The following SLC35F1 variants were observed in gnomAD, a reference collection of about 807,000 sequenced individuals.
SLC35F1 encodes solute carrier family 35 member F1.
Under a neutral mutation model 48.7 loss-of-function variants are expected in SLC35F1, and 14 were observed. That is an observed-to-expected ratio of 0.29 (90% CI 0.19 to 0.45). The LOEUF (loss-of-function observed/expected upper bound fraction) is 0.45, where lower values mean the gene tolerates loss of function less well. SLC35F1 is among the 20% of genes least tolerant of loss of function. The pLI is 1.00. For missense variants in SLC35F1, 404 were observed against 500.0 expected (o/e 0.81, Z 1.83); for synonymous variants, 190 against 202.2 (o/e 0.94, Z 0.51).
intron 1 of SLC35F1, among the ~76,000 whole-genome samples, chr6:118,008,243 C>A (rs989655799): frequency 4.0e-5 from 6 of 148,636 alleles, no homozygotes; most frequent in African/African-American, 1.5e-4. Flanking sequence ...CTGTTATATA[C>A]CAATAAAATA....
intron 4 of SLC35F1, among the ~76,000 whole-genome samples, chr6:118,274,244 A>G (rs1562347346): frequency 6.6e-6 from 1 of 152,126 alleles, no homozygotes; most frequent in African/African-American, 2.4e-5. Context: ...TTGGGTACAG[A>G]GCCCACCAGT....
At chr6:118,241,685 A>G (rs1006562337) in intron 3 of SLC35F1, among the ~76,000 whole-genome samples, 57 of 152,094 alleles carry the variant, frequency 3.7e-4, no homozygotes, top group Non-Finnish European at 1.0e-4. Flanking sequence ...GAATTATCCC[A>G]TCACCACAAA....
chr6:118,204,354 A>G (rs937631244), intron 2 of SLC35F1, among the ~76,000 whole-genome samples: 3 of 152,230 alleles, frequency 2.0e-5, no homozygotes, highest in Non-Finnish European at 4.4e-5. Context: ...AGCCAAGGCA[A>G]GGATTACAGG....
intron 1 of SLC35F1, among the ~76,000 whole-genome samples, chr6:118,112,023 A>G (rs1446906221): frequency 6.6e-6 from 1 of 152,200 alleles, no homozygotes; most frequent in Non-Finnish European, 1.5e-5. Flanking sequence ...GGGAGTGTCC[A>G]GATACCCCAA....
intron 1 of SLC35F1, among the ~76,000 whole-genome samples, chr6:117,966,070 T>TA (rs1007541635): frequency 2.0e-4 from 29 of 148,036 alleles, no homozygotes; most frequent in Non-Finnish European, 2.2e-4. Flanking sequence ...CAGCTCTCTG[T>TA]AAAATGGACC....
chr6:117,990,652 A>G (rs1776905821), intron 1 of SLC35F1, among the ~76,000 whole-genome samples: 1 of 152,198 alleles, frequency 6.6e-6, no homozygotes, highest in Non-Finnish European at 1.5e-5. Context: ...GCAAGTGCCT[A>G]CTGGGTACTG....
intron 1 of SLC35F1, among the ~76,000 whole-genome samples, chr6:118,119,608 A>G (rs1167634019): frequency 6.7e-6 from 1 of 149,092 alleles, no homozygotes; most frequent in Non-Finnish European, 1.5e-5. Flanking sequence ...GGTTCAAGCG[A>G]TTCTCCTGCC....
intron 4 of SLC35F1, among the ~76,000 whole-genome samples, chr6:118,274,689 C>T (rs568014172): frequency 2.0e-5 from 3 of 152,282 alleles, no homozygotes; most frequent in South Asian, 2.1e-4. Context: ...TGTGCCACCA[C>T]GCCCAGCCCA....
chr6:118,173,219 A>G (rs923745466), intron 2 of SLC35F1, among the ~76,000 whole-genome samples: 23 of 152,084 alleles, frequency 1.5e-4, no homozygotes, highest in African/African-American at 5.6e-4. Flanking sequence ...CAAGCCTGAT[A>G]AGCTGTAAAA....
At chr6:118,200,152 A>G (rs933394734) in intron 2 of SLC35F1, among the ~76,000 whole-genome samples, 3 of 137,942 alleles carry the variant, frequency 2.2e-5, no homozygotes, top group Non-Finnish European at 3.1e-5. Context: ...GCTGACATAC[A>G]TACATATATA....
intron 1 of SLC35F1, among the ~76,000 whole-genome samples, chr6:117,949,355 T>A (rs1338974): frequency 0.56 from 85,230 of 152,054 alleles, 26,324 homozygotes; most frequent in South Asian, 0.81. Context: ...GGAATAATAA[T>A]ACAAATGATA....
intron 1 of SLC35F1, among the ~76,000 whole-genome samples, chr6:117,920,054 G>A (rs1431991209): frequency 6.6e-6 from 1 of 152,218 alleles, no homozygotes; most frequent in Non-Finnish European, 1.5e-5. Flanking sequence ...AGATGCCAGC[G>A]GGCTCAGTGG....
At chr6:118,062,927 G>A (rs1427466839) in intron 1 of SLC35F1, among the ~76,000 whole-genome samples, 2 of 151,974 alleles carry the variant, frequency 1.3e-5, no homozygotes, top group Non-Finnish European at 2.9e-5. Flanking sequence ...TTTAGGGGGT[G>A]AGTAATATTT....
intron 1 of SLC35F1, among the ~76,000 whole-genome samples, chr6:118,008,647 T>A (rs1333473706): frequency 1.3e-5 from 2 of 152,180 alleles, no homozygotes; most frequent in Non-Finnish European, 2.9e-5. Context: ...CAATTCAGGA[T>A]AAGAGAACCT....
intron 7 of SLC35F1, among the ~76,000 whole-genome samples, chr6:118,301,380 T>G (rs537285450): frequency 1.3e-5 from 2 of 152,308 alleles, no homozygotes; most frequent in East Asian, 3.9e-4. Context: ...GCCACTGTTT[T>G]GATTCATTCT....
chr6:118,162,712 T>G (rs1774255532), intron 2 of SLC35F1, among the ~76,000 whole-genome samples: 1 of 152,162 alleles, frequency 6.6e-6, no homozygotes, highest in Admixed American at 6.5e-5. Flanking sequence ...GTGGCATCCT[T>G]TTAGACAACA....
intron 1 of SLC35F1, among the ~76,000 whole-genome samples, chr6:118,038,844 A>G (rs1238122032): frequency 6.6e-6 from 1 of 151,598 alleles, no homozygotes; most frequent in Non-Finnish European, 1.5e-5. Context: ...CCGGTCTTCA[A>G]CTCCTGGCCT....
chr6:118,144,755 T>C (rs1773947084), intron 1 of SLC35F1, among the ~76,000 whole-genome samples: 1 of 152,126 alleles, frequency 6.6e-6, no homozygotes, highest in Non-Finnish European at 1.5e-5. Flanking sequence ...ATTTATTTTA[T>C]ATGTGGAAAA....
At chr6:118,106,704 C>A (rs1041971493) in intron 1 of SLC35F1, among the ~76,000 whole-genome samples, 1 of 152,210 alleles carries the variant, frequency 6.6e-6, no homozygotes, top group Non-Finnish European at 1.5e-5. Context: ...TAATACATTT[C>A]TATTGTGATT....
Sources: gnomAD v4.1 joint callset for allele counts (sites outside exome capture counted in the v4.1 genomes callset) on GRCh38, gnomAD v4.1.1 for gene constraint, MANE v1.5 for transcripts, NCBI Gene and HGNC (gene_info 2026-07-23, HGNC 2026-07-21) for gene names.